The following ATP6V0E1 variants were observed in gnomAD, a reference collection of about 807,000 sequenced individuals.
The protein encoded by ATP6V0E1 is V-type proton ATPase subunit e 1.
ATP6V0E1 carries 4 observed loss-of-function variants against 11.6 expected under a neutral mutation model. The ratio of observed to expected loss-of-function variants is 0.35; its 90% CI spans 0.17 to 0.79. ATP6V0E1 has a LOEUF of 0.79. Ranked by LOEUF, ATP6V0E1 falls within the 30% of genes least tolerant of loss-of-function variation. The pLI is 0.54. For synonymous variants in ATP6V0E1, 36 were observed against 34.8 expected, an observed-to-expected ratio of 1.04 and a Z score of -0.13; for missense variants, 105 against 100.0, an observed-to-expected ratio of 1.05 and a Z score of -0.21.
In ATP6V0E1 at chr5:172,983,849, C is replaced by T. The variant is rs781291770; in HGVS notation, c.-12C>T. On this transcript the variant is annotated 5_prime_UTR_variant, in exon 1 of 4. Transcript: ENST00000519374. ...AGGCGACGGGGTAGGGGTTGGCGCT[C>T]AGGCGGCGACCATGGCGTATCACGG... 2 of 1,613,254 alleles carry T rather than the reference C, an allele frequency of 1.2e-6. No homozygotes were observed. The highest frequency in any genetic ancestry group is 1.7e-6 in the Non-Finnish European group (2 of 1,179,400).
intron 3 of ATP6V0E1, among the ~76,000 whole-genome samples, chr5:173,029,935 C>G (rs1364618439): frequency 1.3e-5 from 2 of 152,190 alleles, no homozygotes; most frequent in Admixed American, 1.3e-4. Flanking sequence ...TTGTTCTTGA[C>G]CTCATTAGCT....
chr5:173,021,746 G>A (rs1167151256), intron 3 of ATP6V0E1, among the ~76,000 whole-genome samples: 1 of 152,168 alleles, frequency 6.6e-6, no homozygotes. Flanking sequence ...CCATATCAGT[G>A]CCTTTTGAAA....
chr5:173,007,255 A>T (rs1193278892), intron 2 of ATP6V0E1, among the ~76,000 whole-genome samples: 1 of 152,172 alleles, frequency 6.6e-6, no homozygotes, highest in South Asian at 2.1e-4. Context: ...GATTACAAGC[A>T]TGAGCCACCG....
chr5:173,019,813 G>A (rs1756453656), intron 2 of ATP6V0E1, among the ~76,000 whole-genome samples: 1 of 152,106 alleles, frequency 6.6e-6, no homozygotes, highest in African/African-American at 2.4e-5. Context: ...AGTAAAAATG[G>A]GTGTGTCATG....
Position 173,008,638 on chromosome 5 carries a change from G to A in ATP6V0E1, c.153-11600G>A, listed in dbSNP as rs1298659960. Among the ~76,000 whole-genome samples, 10 of 147,418 alleles carry A rather than the reference G, an allele frequency of 6.8e-5. No homozygotes were observed. In the South Asian group the frequency reaches 1.9e-3, roughly 28 times the overall value. On this transcript the variant is annotated intron_variant, in intron 2 of 3. Transcript: ENST00000519374. ...TTAAGAACTCAACTGGGCTGGGCGC[G>A]GTGGCTCACACCTGTAATCCCAGCA... is the stretch of plus-strand genomic sequence containing the variant.
At chr5:172,999,211 T>C (rs1290960846) in intron 2 of ATP6V0E1, among the ~76,000 whole-genome samples, 1 of 152,190 alleles carries the variant, frequency 6.6e-6, no homozygotes, top group Non-Finnish European at 1.5e-5. Flanking sequence ...CACCAAAATA[T>C]TTTGTGACTT....
At chr5:173,033,468 A>T (rs1414398238) in intron 3 of ATP6V0E1, among the ~76,000 whole-genome samples, 9 of 152,218 alleles carry the variant, frequency 5.9e-5, no homozygotes, top group Non-Finnish European at 1.3e-4. Flanking sequence ...AGATATTATG[A>T]GGCTTTCACA....
chr5:172,986,974 G>C (rs1338804399), intron 1 of ATP6V0E1: 2 of 249,676 alleles, frequency 8.0e-6, no homozygotes, highest in Admixed American at 5.3e-5. Context: ...TTTTAGTAGA[G>C]ACGGGATTTC....
intron 3 of ATP6V0E1, among the ~76,000 whole-genome samples, chr5:173,025,504 CTT>C (rs60822937): frequency 2.4e-4 from 16 of 65,560 alleles, no homozygotes; most frequent in African/African-American, 8.6e-4. Flanking sequence ...ATATAAAATA[CTT>C]TTTTTTTTTT....
intron 2 of ATP6V0E1, 51 bp from the exon 3 acceptor site, chr5:173,020,187 G>A: frequency 6.8e-7 from 1 of 1,463,390 alleles, no homozygotes. Flanking sequence ...AAATGGTCAT[G>A]TTCCAACATG....
chr5:173,026,817 T>C (rs765596297), intron 3 of ATP6V0E1, among the ~76,000 whole-genome samples: 18 of 152,220 alleles, frequency 1.2e-4, no homozygotes, highest in Non-Finnish European at 2.6e-4. Flanking sequence ...TAAAGATATA[T>C]ATGATTTTTC....
intron 2 of ATP6V0E1, among the ~76,000 whole-genome samples, chr5:173,015,884 G>A (rs1756391280): frequency 6.6e-6 from 1 of 152,070 alleles, no homozygotes; most frequent in Non-Finnish European, 1.5e-5. Context: ...GTGCCACCAT[G>A]CCCAGCTGAT....
chr5:173,008,133 A>T (rs890238718), intron 2 of ATP6V0E1, among the ~76,000 whole-genome samples: 8 of 152,156 alleles, frequency 5.3e-5, no homozygotes, highest in African/African-American at 1.9e-4. Flanking sequence ...CAGCGTGCTC[A>T]CTTTACAGGA....
At chr5:172,992,286 C>G (rs1290698889) in intron 1 of ATP6V0E1, among the ~76,000 whole-genome samples, 1 of 152,196 alleles carries the variant, frequency 6.6e-6, no homozygotes, top group Non-Finnish European at 1.5e-5. Context: ...CTCTTGACCT[C>G]GTGATCTGCC....
At chr5:173,018,009 C>G (rs1756429851) in intron 2 of ATP6V0E1, among the ~76,000 whole-genome samples, 1 of 152,050 alleles carries the variant, frequency 6.6e-6, no homozygotes, top group Admixed American at 6.6e-5. Context: ...CACCACTGCC[C>G]ACCAATGAAA....
At chr5:173,012,930 T>C (rs1384680100) in intron 2 of ATP6V0E1, among the ~76,000 whole-genome samples, 1 of 151,992 alleles carries the variant, frequency 6.6e-6, no homozygotes, top group African/African-American at 2.4e-5. Context: ...CCCAGCACTT[T>C]GGGAGGTTGA....
chr5:173,033,544 A>C (rs1268268620), intron 3 of ATP6V0E1, among the ~76,000 whole-genome samples: 1 of 152,010 alleles, frequency 6.6e-6, no homozygotes, highest in Non-Finnish European at 1.5e-5. Flanking sequence ...TTCCTAGTAC[A>C]TTGTAAATAT....
At chr5:173,006,698 A>C (rs1756235880) in intron 2 of ATP6V0E1, among the ~76,000 whole-genome samples, 1 of 152,184 alleles carries the variant, frequency 6.6e-6, no homozygotes, top group Admixed American at 6.5e-5. Flanking sequence ...TGAGATCTGT[A>C]AACAGAAGCT....
chr5:173,011,237 A>G (rs555185792), intron 2 of ATP6V0E1, among the ~76,000 whole-genome samples: 9 of 141,614 alleles, frequency 6.4e-5, no homozygotes, highest in Non-Finnish European at 1.0e-4. Context: ...GCTAGAGTGC[A>G]GTGGCATGAT....
Sources: allele counts gnomAD v4.1 joint callset (sites outside exome capture counted in the v4.1 genomes callset), GRCh38; gene constraint gnomAD v4.1.1; transcripts MANE v1.5; gene names NCBI Gene and HGNC (gene_info 2026-07-23, HGNC 2026-07-21).